PDGFC: variants seen among roughly 807,000 people sequenced by gnomAD.
PDGFC encodes the protein platelet-derived growth factor C.
A neutral mutation model predicts 35.5 loss-of-function variants in PDGFC; 12 were observed. The ratio of observed to expected loss-of-function variants is 0.34; its 90% CI spans 0.22 to 0.55. The LOEUF is 0.55. PDGFC is among the 20% of genes least tolerant of loss of function. The pLI is 0.91. For missense variants in PDGFC, 322 were observed against 412.4 expected (o/e 0.78, Z 1.90); for synonymous variants, 159 against 148.8 (o/e 1.07, Z -0.50).
At chr4:156,798,277 A>G (rs1731504979) in intron 3 of PDGFC, among the ~76,000 whole-genome samples, 2 of 152,220 alleles carry the variant, frequency 1.3e-5, no homozygotes, top group South Asian at 4.1e-4. Flanking sequence ...CATTTAAGAG[A>G]AGTAAAAATC....
At chr4:156,900,535 G>A (rs574338647) in intron 1 of PDGFC, among the ~76,000 whole-genome samples, 34 of 152,130 alleles carry the variant, frequency 2.2e-4, no homozygotes, top group Middle Eastern at 3.4e-3. Context: ...GAACAAGAAC[G>A]AACTAGTTAA....
chr4:156,940,104 T>C (rs550094188), intron 1 of PDGFC, among the ~76,000 whole-genome samples: 17 of 152,228 alleles, frequency 1.1e-4, no homozygotes, highest in Admixed American at 9.8e-4. Context: ...TTACTAAAAA[T>C]ACATATTTAA....
intron 1 of PDGFC, among the ~76,000 whole-genome samples, chr4:156,895,306 T>C (rs1730604824): frequency 6.6e-6 from 1 of 152,130 alleles, no homozygotes; most frequent in African/African-American, 2.4e-5. Flanking sequence ...TTAAATACTT[T>C]TATATAAAAG....
chr4:156,793,050 T>C (rs1007141230), intron 3 of PDGFC, among the ~76,000 whole-genome samples: 27 of 152,154 alleles, frequency 1.8e-4, no homozygotes, highest in African/African-American at 6.0e-4. Context: ...CCACAGGGCA[T>C]AACTTCAACA....
chr4:156,853,002 A>G lies in PDGFC; in HGVS notation c.119-2586T>C, dbSNP rs574970901. Among the ~76,000 whole-genome samples the G allele has an allele frequency of 6.6e-5, 10 of 152,308 alleles. No homozygotes were observed. The East Asian group carries it at 9.6e-4, about 15-fold the overall frequency. ...GTGGACACCTTCATCTGAATCTTCT[A>G]AGACCCTGAACAAGAATTCAGTCAC... On this transcript the variant is annotated intron_variant, in intron 1 of 5. Transcript: ENST00000502773.
intron 1 of PDGFC, among the ~76,000 whole-genome samples, chr4:156,897,645 A>G (rs1388693253): frequency 6.6e-6 from 1 of 152,206 alleles, no homozygotes; most frequent in Non-Finnish European, 1.5e-5. Flanking sequence ...ACTTTGAGAA[A>G]GTTTGTAATC....
intron 3 of PDGFC, among the ~76,000 whole-genome samples, chr4:156,809,711 G>GAA (rs71602279): frequency 0.01 from 1,535 of 149,420 alleles, 35 homozygotes; most frequent in African/African-American, 0.034. Context: ...CACAAAATCA[G>GAA]AAAAAAAAAC....
intron 1 of PDGFC, among the ~76,000 whole-genome samples, chr4:156,872,112 T>C (rs1022976056): frequency 6.6e-6 from 1 of 152,180 alleles, no homozygotes; most frequent in Non-Finnish European, 1.5e-5. Flanking sequence ...TTTACCATGA[T>C]GGATTAAAAA....
intron 2 of PDGFC, among the ~76,000 whole-genome samples, chr4:156,814,776 C>A (rs1035258805): frequency 1.3e-5 from 2 of 152,010 alleles, no homozygotes; most frequent in African/African-American, 4.8e-5. Context: ...GCTTTAACGA[C>A]ACAAAAATAT....
In PDGFC at chr4:156,878,868, C is replaced by T. The variant is rs1489860237; in HGVS notation, c.119-28452G>A. Reference sequence around the variant, plus strand: ...GGGCTAGAGTTTTAGAGAACAATGACTTTTACCTAGAAGTAACTCCTACCA... The same window carrying T: ...GGGCTAGAGTTTTAGAGAACAATGATTTTTACCTAGAAGTAACTCCTACCA... On this transcript the variant is annotated intron_variant, in intron 1 of 5. Transcript: ENST00000502773. Among the ~76,000 whole-genome samples the T allele has an allele frequency of 2.0e-5, 3 of 152,146 alleles. No homozygotes were observed. In the East Asian group the frequency reaches 5.8e-4, roughly 29 times the overall value.
rs1331851807 is a variant in PDGFC, at chr4:156,897,344, GAGTGTA to G, written c.119-46934_119-46929del. On this transcript the variant is annotated intron_variant, in intron 1 of 5. Coordinates refer to ENST00000502773, the MANE Select transcript of PDGFC (RefSeq NM_016205.3). ...AGAGAGAATATGAGAGAGTGTGTGA[GAGTGTA>G]TGTGTGTGTGTGTGTGTGTGTGTGT... 4.3e-3 allele frequency among the ~76,000 whole-genome samples: 506 copies of G among 118,750 alleles called. 4 individuals are homozygous for G. Among genetic ancestry groups the G allele is most frequent in the African/African-American group, 0.015 (479 of 31,746 alleles). 77.9% of individuals were successfully genotyped at this position (118,750 alleles called of 152,430 possible).
intron 1 of PDGFC, among the ~76,000 whole-genome samples, chr4:156,913,077 T>C (rs1391287896): frequency 6.6e-6 from 1 of 152,156 alleles, no homozygotes; most frequent in Non-Finnish European, 1.5e-5. Flanking sequence ...TCTTAAAAGT[T>C]GGTCTCTTGT....
At chr4:156,968,655 G>A (rs1253602836) in intron 1 of PDGFC, among the ~76,000 whole-genome samples, 1 of 152,086 alleles carries the variant, frequency 6.6e-6, no homozygotes, top group Non-Finnish European at 1.5e-5. Flanking sequence ...CTGAGCATGT[G>A]CAAGAAAATA....
chr4:156,882,102 A>G (rs1398747022), intron 1 of PDGFC, among the ~76,000 whole-genome samples: 1 of 152,124 alleles, frequency 6.6e-6, no homozygotes, highest in Admixed American at 6.6e-5. Flanking sequence ...AATTTGAAGT[A>G]TGACTGTATC....
chr4:156,818,264 T>C (rs969947768), intron 2 of PDGFC, among the ~76,000 whole-genome samples: 13 of 151,976 alleles, frequency 8.6e-5, no homozygotes, highest in South Asian at 4.2e-4. Flanking sequence ...TTTTTTACAA[T>C]TGAAAATTTA....
chr4:156,956,503 A>G (rs1218535989), intron 1 of PDGFC, among the ~76,000 whole-genome samples: 2 of 152,052 alleles, frequency 1.3e-5, no homozygotes, highest in East Asian at 1.9e-4. Flanking sequence ...ACTCTATTAT[A>G]AGAAGATTAT....
chr4:156,840,742 G>A (rs1290186128), intron 2 of PDGFC, among the ~76,000 whole-genome samples: 1 of 152,190 alleles, frequency 6.6e-6, no homozygotes, highest in Admixed American at 6.5e-5. Flanking sequence ...AAGCCACAGG[G>A]GCAGAGCTGC....
intron 1 of PDGFC, among the ~76,000 whole-genome samples, chr4:156,943,935 A>G (rs1178396296): frequency 6.6e-6 from 1 of 152,114 alleles, no homozygotes; most frequent in Non-Finnish European, 1.5e-5. Context: ...TTTCCCTTAA[A>G]ACAAATATGT....
chr4:156,899,949 C>T (rs1202777890), intron 1 of PDGFC, among the ~76,000 whole-genome samples: 3 of 152,184 alleles, frequency 2.0e-5, no homozygotes, highest in Non-Finnish European at 4.4e-5. Context: ...CACTCTCTCC[C>T]TCTGAAACCT....
Sources: gnomAD v4.1 joint callset for allele counts (sites outside exome capture counted in the v4.1 genomes callset) on GRCh38, gnomAD v4.1.1 for gene constraint, MANE v1.5 for transcripts, NCBI Gene and HGNC (gene_info 2026-07-23, HGNC 2026-07-21) for gene names.